C8orf74: variants seen among roughly 807,000 people sequenced by gnomAD.
C8orf74 encodes the protein chromosome 8 open reading frame 74.
A neutral mutation model predicts 22.2 loss-of-function variants in C8orf74; 29 were observed. That is an observed-to-expected ratio of 1.31 (90% CI 0.97 to 1.78). The LOEUF (loss-of-function observed/expected upper bound fraction) is 1.78. Among genes scored for constraint, C8orf74 ranks in the 40% most tolerant of loss-of-function variants. C8orf74 has a pLI of 0.00. For synonymous variants in C8orf74, 255 were observed against 163.1 expected (o/e 1.56, Z -4.30); for missense variants, 515 against 369.9 (o/e 1.39, Z -3.22).
intron 2 of C8orf74, among the ~76,000 whole-genome samples, chr8:10,676,226 G>A (rs1799029629): frequency 1.3e-5 from 2 of 151,984 alleles, no homozygotes; most frequent in Non-Finnish European, 2.9e-5. Context: ...GGTCTTCCCT[G>A]GCTTTCTGGT....
chr8:10,700,586 A>G lies in C8orf74; in HGVS notation c.*115A>G. On this transcript the variant is annotated 3_prime_UTR_variant, in exon 4 of 4. Transcript: ENST00000304519. The stretch of plus-strand genomic sequence containing the variant: ...GACTTCTTGTGATTAAAAGAAACAA[A>G]CCCATGCCATCATCTGGTCTCTGTC... The G allele has an allele frequency of 1.6e-6, 1 of 623,516 alleles. No homozygotes were observed. Among genetic ancestry groups the G allele is most frequent in the Non-Finnish European group, 2.7e-6 (1 of 368,090 alleles). 38.6% of individuals were successfully genotyped at this position (623,516 alleles called of 1,614,324 possible). A position where few individuals can be genotyped will look rare whatever the true frequency, so the allele number is the denominator to read the frequency against.
intron 3 of C8orf74, among the ~76,000 whole-genome samples, chr8:10,699,175 C>T (rs1799598486): frequency 6.6e-6 from 1 of 152,208 alleles, no homozygotes; most frequent in Admixed American, 6.5e-5. Context: ...TACTGCCCTG[C>T]ACTTCCCACA....
In C8orf74 at chr8:10,700,254, G is replaced by C; in HGVS notation, c.668G>C (p.Cys223Ser). ...TTCCAGGAGTTGGAGAGCCTCATCT[G>C]CCAGGCAGTCCACACCCAGATGGAG... ...LERQELESLICQAVHTQMELL... is the reference protein window; with the variant it reads ...LERQELESLISQAVHTQMELL... The change falls in exon 4 of 4, where the codon TGC (cysteine) becomes TCC (serine). Residue 223 changes from cysteine (C) to serine (S), a missense_variant. Coordinates refer to ENST00000304519, the MANE Select transcript of C8orf74 (RefSeq NM_001040032.2). The C allele has an allele frequency of 6.2e-7, 1 of 1,603,658 alleles. No individual in the cohort carries two copies. The highest frequency in any genetic ancestry group is 1.3e-5 in the African/African-American group (1 of 74,780).
At chr8:10,683,868 G>A in intron 2 of C8orf74, among the ~76,000 whole-genome samples, 1 of 152,210 alleles carries the variant, frequency 6.6e-6, no homozygotes, top group East Asian at 1.9e-4. Flanking sequence ...AGCGGCCGGT[G>A]CTTCTGGACA....
At chr8:10,678,359 C>T (rs980384525) in intron 2 of C8orf74, among the ~76,000 whole-genome samples, 5 of 152,124 alleles carry the variant, frequency 3.3e-5, no homozygotes, top group Admixed American at 6.5e-5. Flanking sequence ...TAGGAAGCGC[C>T]CAGTGAGTGG....
At chr8:10,677,132 C>G (rs1248311651) in intron 2 of C8orf74, among the ~76,000 whole-genome samples, 1 of 152,126 alleles carries the variant, frequency 6.6e-6, no homozygotes, top group African/African-American at 2.4e-5. Flanking sequence ...CTAAGCTCTT[C>G]CAGCTTCCAC....
chr8:10,677,446 G>C (rs1258517606), intron 2 of C8orf74, among the ~76,000 whole-genome samples: 1 of 152,020 alleles, frequency 6.6e-6, no homozygotes. Flanking sequence ...CATTTATCTA[G>C]AGCTTCCATA....
Position 10,679,528 on chromosome 8 carries a change from C to G in C8orf74, c.241+4690C>G, listed in dbSNP as rs145648684. 5.3e-5 allele frequency among the ~76,000 whole-genome samples: 8 copies of G among 152,332 alleles called. No homozygotes were observed. The East Asian group carries it at 1.2e-3, about 22-fold the overall frequency. On this transcript the variant is annotated intron_variant, in intron 2 of 3. Transcript: ENST00000304519. ...GGACCATAGGCTCTGAGTCACCAGCCGTTATCTATCCTCCATTCTCTCCTG... is the reference window on the plus strand; with the variant it reads ...GGACCATAGGCTCTGAGTCACCAGCGGTTATCTATCCTCCATTCTCTCCTG...
chr8:10,672,687 G>A lies in C8orf74; in HGVS notation c.22G>A (p.Gly8Arg), dbSNP rs374988450. 2 of 1,565,992 alleles carry A rather than the reference G, an allele frequency of 1.3e-6. No homozygotes were observed. The highest frequency in any genetic ancestry group is 1.7e-6 in the Non-Finnish European group (2 of 1,154,956). Residue 8 changes from glycine to arginine, a missense_variant, in exon 1 of 4, where the codon GGA (glycine) becomes AGA (arginine). Coordinates refer to ENST00000304519, the MANE Select transcript of C8orf74 (RefSeq NM_001040032.2). MALLTPQ[G>R]VKEVFQLQRP... ...GGCCATGGCACTCTTAACACCCCAG[G>A]GAGTGAAAGAAGTCTTCCAACTTCA...
intron 2 of C8orf74, among the ~76,000 whole-genome samples, chr8:10,682,631 T>C (rs529127001): frequency 6.6e-6 from 1 of 152,310 alleles, no homozygotes; most frequent in Non-Finnish European, 1.5e-5. Context: ...TGGACCCTAA[T>C]CGCCTCTATA....
Position 10,674,645 on chromosome 8 carries a change from G to C in C8orf74, c.49-1G>C, listed in dbSNP as rs762926858. On this transcript the variant is annotated splice_acceptor_variant, in intron 1 of 3. Transcript: ENST00000304519. LOFTEE classifies it high-confidence loss of function. ...TGCAGTTCCCATGTCATTCCCTGCA[G>C]AGACCACAAGGTCGGGAGCGCCTGC... 6.2e-7 allele frequency: 1 copy of C among 1,605,074 alleles called. No homozygotes were observed. The highest frequency in any genetic ancestry group is 8.5e-7 in the Non-Finnish European group (1 of 1,176,122).
At chr8:10,697,213 A>T (rs1479641693) in intron 2 of C8orf74, among the ~76,000 whole-genome samples, 1 of 151,996 alleles carries the variant, frequency 6.6e-6, no homozygotes, top group Non-Finnish European at 1.5e-5. Flanking sequence ...CCGAGGCAGG[A>T]GGATCGCTTG....
chr8:10,687,697 A>G (rs1799290311), intron 2 of C8orf74, among the ~76,000 whole-genome samples: 2 of 151,792 alleles, frequency 1.3e-5, no homozygotes. Context: ...TTTAAACACT[A>G]TTTTTAAATA....
chr8:10,692,487 C>T (rs1799401444), intron 2 of C8orf74: 1 of 152,308 alleles, frequency 6.6e-6, no homozygotes, highest in Non-Finnish European at 1.5e-5. Flanking sequence ...TCCCCCAGCA[C>T]CTGGCACATG....
At chr8:10,686,520 CGTT>C (rs1563159617) in intron 2 of C8orf74, 1 of 152,420 alleles carries the variant, frequency 6.6e-6, no homozygotes, top group African/African-American at 2.4e-5. Flanking sequence ...TCTGCCCTGT[CGTT>C]CTCATAAGCA....
Position 10,674,887 on chromosome 8 carries a change from G to A in C8orf74, c.241+49G>A, listed in dbSNP as rs546565467. 8.4e-5 allele frequency: 126 copies of A among 1,494,344 alleles called. No individual in the cohort carries two copies. The East Asian group carries it at 3.0e-3, about 36-fold the overall frequency. The allele number at this position is 1,494,344 out of a possible 1,614,324, so 92.6% of individuals were successfully genotyped here. ...TCAGCAGAGGCTGGCGGGATGGGGT[G>A]GGTACACATAGAACTCCCCTGCCGT... On this transcript the variant is annotated intron_variant, in intron 2 of 3. Coordinates refer to ENST00000304519, the MANE Select transcript of C8orf74 (RefSeq NM_001040032.2).
intron 3 of C8orf74, 90 bp from the exon 4 acceptor site, chr8:10,700,145 C>G: frequency 7.4e-6 from 6 of 814,554 alleles, no homozygotes; most frequent in Non-Finnish European, 1.2e-5. Flanking sequence ...ACAGTGGACA[C>G]ATTCTCGTAC....
At chr8:10,677,353 G>A (rs1799054462) in intron 2 of C8orf74, among the ~76,000 whole-genome samples, 1 of 151,994 alleles carries the variant, frequency 6.6e-6, no homozygotes, top group Non-Finnish European at 1.5e-5. Flanking sequence ...CTTTCCATTT[G>A]GACTAGACAT....
chr8:10,695,042 G>C (rs945116797), intron 2 of C8orf74, among the ~76,000 whole-genome samples: 2 of 151,858 alleles, frequency 1.3e-5, no homozygotes, highest in African/African-American at 4.8e-5. Flanking sequence ...TGGATGAATG[G>C]AAAGATGGAC....
Sources: allele counts gnomAD v4.1 joint callset (sites outside exome capture counted in the v4.1 genomes callset), GRCh38; gene constraint gnomAD v4.1.1; transcripts MANE v1.5; gene names NCBI Gene and HGNC (gene_info 2026-07-23, HGNC 2026-07-21).